Variants in SLC12A3 observed in about 807,000 individuals in gnomAD.
The protein encoded by SLC12A3 is solute carrier family 12 member 3, also known as Na-Cl cotransporter.
Under a neutral mutation model 121.0 loss-of-function variants are expected in SLC12A3, and 104 were observed. The observed-to-expected ratio is 0.86, with a 90% CI of 0.73 to 1.01. SLC12A3 has a LOEUF of 1.01. SLC12A3 is among the 50% of genes least tolerant of loss of function. The pLI, the probability that SLC12A3 is intolerant of heterozygous loss-of-function variation, is 0.00. For missense variants in SLC12A3, 1,328 were observed against 1,356.3 expected (o/e 0.98, Z 0.33); for synonymous variants, 536 against 533.4 (o/e 1.00, Z -0.07).
chr16:56,901,345 C>CTTTTTTTTTTTTTTTTT (rs1408480661), intron 23 of SLC12A3, among the ~76,000 whole-genome samples: 15 of 84,140 alleles, frequency 1.8e-4, no homozygotes, highest in African/African-American at 9.2e-4. Flanking sequence ...ATCTCTCTCT[C>CTTTTTTTTTTTTTTTTT]TCTTTTTTTT....
intron 12 of SLC12A3, among the ~76,000 whole-genome samples, chr16:56,881,471 CTG>C (rs758859700): frequency 5.3e-5 from 8 of 152,042 alleles, no homozygotes; most frequent in Non-Finnish European, 1.0e-4. Flanking sequence ...TGACTTCAGA[CTG>C]AGGACCATGA....
chr16:56,882,396 C>G lies in SLC12A3; in HGVS notation c.1568C>G (p.Ala523Gly), dbSNP rs1346701119. 14 of 1,613,478 alleles carry G rather than the reference C, an allele frequency of 8.7e-6. No homozygotes were observed. The highest frequency in any genetic ancestry group is 1.2e-5 in the Non-Finnish European group (14 of 1,179,490). Residue 523 changes from alanine to glycine, a missense_variant and splice_region_variant, in exon 13 of 26, where the codon GCT becomes GGT. Transcript: ENST00000563236. ...CCTCTCTCTCCCTGGGTCCCCGAAG[C>G]TGAGCTCAACACCATAGCCCCCATC... ...YAIAVAFIII[A>G]ELNTIAPIIS...
chr16:56,913,768 T>G lies in SLC12A3; in HGVS notation c.*363T>G, dbSNP rs2055718025. ...CAATGCTGGGCGTGAATCTTGACAG[T>G]TTCTACAGACCTTCCTGGGTGAAAG... On this transcript the variant is annotated 3_prime_UTR_variant, in exon 26 of 26. Coordinates refer to ENST00000563236, the MANE Select transcript of SLC12A3 (RefSeq NM_001126108.2). 2.9e-6 allele frequency: 1 copy of G among 346,994 alleles called. No homozygotes were observed. Among genetic ancestry groups the G allele is most frequent in the Non-Finnish European group, 5.6e-6 (1 of 179,364 alleles). 21.5% of individuals were successfully genotyped at this position (346,994 alleles called of 1,614,324 possible). A position where few individuals can be genotyped will look rare whatever the true frequency, so the allele number is the denominator to read the frequency against.
At position 56,886,932 on chromosome 16, in the gene SLC12A3, C is replaced by T. The variant is rs749743693; in HGVS notation, c.2038-21C>T. The T allele has an allele frequency of 4.3e-6, 7 of 1,612,976 alleles. No homozygotes were observed. The Admixed American group carries it at 1.0e-4, about 23-fold the overall frequency. ...GAGGGTGAAGGCAGCTGGTGATGTCCCCTGCCCCTCCCACCCACAGGGACC... is the reference window on the plus strand; with the variant it reads ...GAGGGTGAAGGCAGCTGGTGATGTCTCCTGCCCCTCCCACCCACAGGGACC... On this transcript the variant is annotated intron_variant, in intron 16 of 25. Transcript: ENST00000563236.
rs763674095 is a variant in SLC12A3 at position 56,882,389 on chromosome 16, C to G, written c.1568-7C>G. The G allele has an allele frequency of 6.2e-7, 1 of 1,612,064 alleles. No homozygotes were observed. Among genetic ancestry groups the G allele is most frequent in the Non-Finnish European group, 8.5e-7 (1 of 1,178,118 alleles). ...AGGCTGTCCTCTCTCTCCCTGGGTC[C>G]CCGAAGCTGAGCTCAACACCATAGC... On this transcript the variant is annotated splice_polypyrimidine_tract_variant and splice_region_variant and intron_variant, in intron 12 of 25. Coordinates refer to ENST00000563236, the MANE Select transcript of SLC12A3 (RefSeq NM_001126108.2).
intron 18 of SLC12A3, among the ~76,000 whole-genome samples, chr16:56,888,813 C>T (rs1388281682): frequency 6.6e-6 from 1 of 152,156 alleles, no homozygotes; most frequent in African/African-American, 2.4e-5. Flanking sequence ...CCACCTCGGC[C>T]TCCCAAAGTG....
chr16:56,880,604 T>C (rs1298149995), intron 12 of SLC12A3, among the ~76,000 whole-genome samples: 1 of 152,108 alleles, frequency 6.6e-6, no homozygotes, highest in Non-Finnish European at 1.5e-5. Flanking sequence ...CAGAACACCT[T>C]TGGAGCATGG....
chr16:56,879,634 T>A lies in SLC12A3; in HGVS notation c.1428T>A (p.Ala476=). The stretch of plus-strand genomic sequence containing the variant: ...CTGCCCTGGCCTGCCTTGTCTCTGC[T>A]GCCAAAGTCTTCCAGGTGAGGCCGC... The part of the protein sequence containing the change: ...LSSALACLVS[A]AKVFQCLCED... Residue 476 remains alanine (A), a synonymous_variant, in exon 11 of 26, where the codon GCT becomes GCA. Transcript: ENST00000563236. The A allele has an allele frequency of 6.2e-7, 1 of 1,612,996 alleles. No individual in the cohort carries two copies. The highest frequency in any genetic ancestry group is 8.5e-7 in the Non-Finnish European group (1 of 1,179,696).
chr16:56,869,902 A>G, intron 4 of SLC12A3, 78 bp downstream of exon 4: 1 of 1,416,746 alleles, frequency 7.1e-7, no homozygotes, highest in Admixed American at 1.7e-5. Flanking sequence ...AACTTCCCCA[A>G]CCCAATGGTA....
chr16:56,879,068 C>G lies in SLC12A3; in HGVS notation c.1181-5C>G. On this transcript the variant is annotated splice_polypyrimidine_tract_variant and splice_region_variant and intron_variant, in intron 9 of 25. Coordinates refer to ENST00000563236, the MANE Select transcript of SLC12A3 (RefSeq NM_001126108.2). ...ACCTCCCCATGCTCTCCTTCCTCCT[C>G]TCAGGCTCCTGCGTGGTGCGTGATG... The G allele has an allele frequency of 6.2e-7, 1 of 1,605,960 alleles. No individual in the cohort carries two copies. The highest frequency in any genetic ancestry group is 8.5e-7 in the Non-Finnish European group (1 of 1,176,850).
chr16:56,889,925 T>A (rs2055366264), intron 18 of SLC12A3, among the ~76,000 whole-genome samples: 1 of 152,146 alleles, frequency 6.6e-6, no homozygotes. Flanking sequence ...TCTCCAAAAC[T>A]CAGTTTTTGC....
chr16:56,876,058 C>T (rs1457884074), intron 8 of SLC12A3, among the ~76,000 whole-genome samples: 2 of 152,002 alleles, frequency 1.3e-5, no homozygotes, highest in African/African-American at 4.8e-5. Context: ...GGACCAAGCT[C>T]CCCCTGAAAA....
intron 8 of SLC12A3, among the ~76,000 whole-genome samples, chr16:56,875,629 C>T (rs879672244): frequency 1.3e-5 from 2 of 152,174 alleles, no homozygotes; most frequent in Admixed American, 1.3e-4. Flanking sequence ...ATCCTGCCCC[C>T]ACCCCAACAG....
At chr16:56,868,499 G>T in intron 3 of SLC12A3, 127 bp downstream of exon 3, 3 of 931,396 alleles carry the variant, frequency 3.2e-6, no homozygotes, top group Admixed American at 4.0e-5. Flanking sequence ...AGACCAAACG[G>T]CCAGGCCTTC....
intron 12 of SLC12A3, among the ~76,000 whole-genome samples, chr16:56,882,161 C>A (rs2055249252): frequency 6.6e-6 from 1 of 152,194 alleles, no homozygotes; most frequent in South Asian, 2.1e-4. Flanking sequence ...CACACTGACC[C>A]CCACTGTCTT....
At chr16:56,908,818 C>T (rs773495699) in intron 25 of SLC12A3, among the ~76,000 whole-genome samples, 5 of 152,218 alleles carry the variant, frequency 3.3e-5, no homozygotes, top group African/African-American at 4.8e-5. Context: ...CCAGGGTGAG[C>T]GCTGGGTCCG....
In SLC12A3 at chr16:56,884,139, G is replaced by A; in HGVS notation, c.1760G>A (p.Trp587Ter). ...GTCATCATGTTCCTCCTCACCTGGT[G>A]GGCGGCCCTCATCGCCATTGGCGTG... ...SVVIMFLLTWWAALIAIGVVL... is the reference protein window; with the variant it reads ...SVVIMFLLTW Residue 587 changes from tryptophan to a stop codon, truncating the protein, a stop_gained, in exon 14 of 26, where the codon TGG becomes TAG. Transcript: ENST00000563236. LOFTEE classifies it high-confidence loss of function. 1 of 1,614,210 alleles carries A rather than the reference G, an allele frequency of 6.2e-7. No homozygotes were observed. Among genetic ancestry groups the A allele is most frequent in the Non-Finnish European group, 8.5e-7 (1 of 1,180,018 alleles).
intron 15 of SLC12A3, 92 bp from the exon 16 acceptor site, chr16:56,886,272 C>A: frequency 3.4e-6 from 3 of 891,062 alleles, no homozygotes; most frequent in Non-Finnish European, 5.5e-6. Context: ...GTGGCCACAC[C>A]ACCATTCAGG....
chr16:56,882,414 C>T lies in SLC12A3; in HGVS notation c.1586C>T (p.Ala529Val). 1 of 1,613,918 alleles carries T rather than the reference C, an allele frequency of 6.2e-7. No individual in the cohort carries two copies. Among genetic ancestry groups the T allele is most frequent in the Admixed American group, 1.7e-5 (1 of 60,016 alleles). Residue 529 changes from alanine to valine, a missense_variant, in exon 13 of 26, where the codon GCC becomes GTC. By Grantham distance (64) the Ala-to-Val change is moderately conservative. Transcript: ENST00000563236. The part of the protein sequence containing the change: ...FIIIAELNTI[A>V]PIISNFFLCS... ...CCCGAAGCTGAGCTCAACACCATAG[C>T]CCCCATCATTTCCAACTTCTTCCTC... is the stretch of plus-strand genomic sequence containing the variant.
Sources: allele counts gnomAD v4.1 joint callset (sites outside exome capture counted in the v4.1 genomes callset), GRCh38; gene constraint gnomAD v4.1.1; transcripts MANE v1.5; gene names NCBI Gene and HGNC (gene_info 2026-07-23, HGNC 2026-07-21).